ABCC2: variants seen among roughly 807,000 people sequenced by gnomAD.
ABCC2 encodes ATP-binding cassette sub-family C member 2.
A neutral mutation model predicts 173.4 loss-of-function variants in ABCC2; 157 were observed. The ratio of observed to expected loss-of-function variants is 0.91; its 90% CI spans 0.80 to 1.03. The LOEUF (loss-of-function observed/expected upper bound fraction) is 1.03. Ranked by LOEUF, ABCC2 falls within the 50% of genes least tolerant of loss-of-function variation. The pLI, the probability that ABCC2 is intolerant of heterozygous loss-of-function variation, is 0.00. For synonymous variants in ABCC2, 657 were observed against 693.5 expected, an observed-to-expected ratio of 0.95 and a Z score of 0.83; for missense variants, 1,822 against 1,852.3, an observed-to-expected ratio of 0.98 and a Z score of 0.30.
intron 12 of ABCC2, 65 bp downstream of exon 12, chr10:99,807,586 A>C: frequency 2.5e-6 from 4 of 1,608,812 alleles, no homozygotes; most frequent in Non-Finnish European, 2.6e-6. Context: ...CCTGAAGAGG[A>C]AGTTCACTTT....
At chr10:99,795,801 A>AAGAAAGAAAGAAAGAAAGAAAGAG (rs58906337) in intron 6 of ABCC2, among the ~76,000 whole-genome samples, 42 of 102,368 alleles carry the variant, frequency 4.1e-4, no homozygotes, top group African/African-American at 1.5e-3. Flanking sequence ...GAAAGAAAGA[A>AAGAAAGAAAGAAAGAAAGAAAGAG]AGATTTCTAA....
chr10:99,804,765 T>C (rs980009915), intron 10 of ABCC2, among the ~76,000 whole-genome samples: 33 of 152,326 alleles, frequency 2.2e-4, no homozygotes, highest in African/African-American at 7.7e-4. Context: ...ACAGTGTATA[T>C]GATTTATTCA....
intron 19 of ABCC2, among the ~76,000 whole-genome samples, chr10:99,824,932 G>T: frequency 1.1e-5 from 1 of 89,150 alleles, no homozygotes; most frequent in African/African-American, 4.7e-5. Flanking sequence ...TGTTTTGGTA[G>T]CGGCCACTGA....
In ABCC2 at chr10:99,799,468, T is replaced by C. The variant is rs1274317712; in HGVS notation, c.1031+98T>C. ...AGCAGGAGCTTTTCTTAAATTCCCA[T>C]TTTTTAAAAATGCTCGTAATTTTCT... On this transcript the variant is annotated intron_variant, in intron 8 of 31. Transcript: ENST00000647814. 1.2e-5 allele frequency: 17 copies of C among 1,413,358 alleles called. No individual in the cohort carries two copies. In the East Asian group the frequency reaches 3.4e-4, roughly 28 times the overall value. 87.6% of individuals were successfully genotyped at this position (1,413,358 alleles called of 1,614,324 possible). A position where few individuals can be genotyped will look rare whatever the true frequency, so the allele number is the denominator to read the frequency against.
Position 99,841,976 on chromosome 10 carries a change from A to T in ABCC2, c.3624A>T (p.Ala1208=), listed in dbSNP as rs1287568058. 1 of 1,614,164 alleles carries T rather than the reference A, an allele frequency of 6.2e-7. No individual in the cohort carries two copies. The highest frequency in any genetic ancestry group is 2.2e-5 in the East Asian group (1 of 44,884). The change falls in exon 26 of 32, where the codon GCA becomes GCT. Residue 1208 remains alanine, a synonymous_variant. Transcript: ENST00000647814. The stretch of plus-strand genomic sequence containing the variant: ...TTCTGTTGCCCCACAGGTGGCTTGC[A>T]ATTCGCCTGGAGCTGGTTGGGAACC... ...FSWITSNRWL[A]IRLELVGNLT...
Position 99,813,136 on chromosome 10 carries a change from A to G in ABCC2, c.2086A>G (p.Thr696Ala), listed in dbSNP as rs751742010. 2 of 1,613,730 alleles carry G rather than the reference A, an allele frequency of 1.2e-6. No individual in the cohort carries two copies. Among genetic ancestry groups the G allele is most frequent in the Non-Finnish European group, 1.7e-6 (2 of 1,179,796 alleles). Residue 696 changes from threonine to alanine, a missense_variant, in exon 16 of 32, where the codon ACC (threonine) becomes GCC (alanine). Coordinates refer to ENST00000647814, the MANE Select transcript of ABCC2 (RefSeq NM_000392.5). ...AATGGAAAATGTCCACGGGCACATC[A>G]CCATCAAGGTGAGAGGGAATGCCAA... ...GEMENVHGHI[T>A]IKGTTAYVPQ...
intron 25 of ABCC2, among the ~76,000 whole-genome samples, chr10:99,837,288 A>G (rs2038841333): frequency 8.2e-6 from 1 of 121,370 alleles, no homozygotes; most frequent in Non-Finnish European, 1.7e-5. Context: ...GGCATGCACC[A>G]CCACGCCCAG....
chr10:99,844,984 T>G (rs1233539740), intron 28 of ABCC2, among the ~76,000 whole-genome samples: 1 of 152,186 alleles, frequency 6.6e-6, no homozygotes, highest in Non-Finnish European at 1.5e-5. Flanking sequence ...AATCTTTCCC[T>G]TCTTCACTTC....
chr10:99,811,637 G>A (rs1484135976), intron 15 of ABCC2, 35 bp downstream of exon 15: 12 of 1,609,558 alleles, frequency 7.5e-6, no homozygotes, highest in Non-Finnish European at 1.0e-5. Flanking sequence ...ATGTTCTTTA[G>A]CATTCTCACT....
At position 99,796,899 on chromosome 10, in the gene ABCC2, A is replaced by C. The variant is rs149905203; in HGVS notation, c.633-198A>C. On this transcript the variant is annotated intron_variant, in intron 6 of 31. Transcript: ENST00000647814. ...CTGTCTTCCCCTTCTCTTGTCTTCT[A>C]ACACATTCTTTTGCCCCCACCCATT... Among the ~76,000 whole-genome samples the C allele has an allele frequency of 8.3e-3, 1,269 of 152,230 alleles. 19 individuals carry two copies. Among genetic ancestry groups the C allele is most frequent in the African/African-American group, 0.028 (1,178 of 41,536 alleles).
intron 19 of ABCC2, among the ~76,000 whole-genome samples, chr10:99,828,214 A>G (rs1451956598): frequency 1.3e-5 from 2 of 151,906 alleles, no homozygotes; most frequent in Non-Finnish European, 2.9e-5. Flanking sequence ...TACAAAGAAC[A>G]GTTTGCAAAA....
In ABCC2 at chr10:99,794,484, G is replaced by A. The variant is rs1241969320; in HGVS notation, c.632+16G>A. 1 of 1,605,608 alleles carries A rather than the reference G, an allele frequency of 6.2e-7. No homozygotes were observed. The highest frequency in any genetic ancestry group is 2.2e-5 in the East Asian group (1 of 44,838). ...GGTATGACAGGTAGGAAAGCCTGGA[G>A]TATGGATTGGCTGTATCCTTACTCT... On this transcript the variant is annotated intron_variant, in intron 6 of 31. Coordinates refer to ENST00000647814, the MANE Select transcript of ABCC2 (RefSeq NM_000392.5).
intron 9 of ABCC2, among the ~76,000 whole-genome samples, chr10:99,803,691 G>A (rs1372787763): frequency 1.3e-5 from 2 of 152,050 alleles, no homozygotes; most frequent in African/African-American, 2.4e-5. Flanking sequence ...TACACAGGAC[G>A]AATATCTAAC....
intron 25 of ABCC2, among the ~76,000 whole-genome samples, chr10:99,837,475 TTTA>T (rs1409540788): frequency 1.8e-4 from 2 of 11,428 alleles, no homozygotes; most frequent in East Asian, 2.5e-3. Context: ...TTTTTTTTTT[TTTA>T]AATTTATTTT....
intron 25 of ABCC2, among the ~76,000 whole-genome samples, chr10:99,839,078 G>C: frequency 7.0e-6 from 1 of 142,548 alleles, no homozygotes; most frequent in Non-Finnish European, 1.5e-5. Flanking sequence ...GGCTGGCCGG[G>C]CAGGGGGGCA....
At chr10:99,799,409 C>G in intron 8 of ABCC2, 39 bp downstream of exon 8, 1 of 1,609,750 alleles carries the variant, frequency 6.2e-7, no homozygotes, top group Non-Finnish European at 8.5e-7. Flanking sequence ...TCAGGGCCTC[C>G]TCTGCCACCC....
intron 23 of ABCC2, among the ~76,000 whole-genome samples, chr10:99,833,729 C>G (rs775933637): frequency 1.1e-4 from 16 of 152,172 alleles, no homozygotes; most frequent in Non-Finnish European, 2.2e-4. Flanking sequence ...ATCCCTGATA[C>G]AGTTTGAGAA....
chr10:99,783,876 G>A (rs923782024), intron 1 of ABCC2, among the ~76,000 whole-genome samples: 2 of 151,720 alleles, frequency 1.3e-5, no homozygotes, highest in African/African-American at 2.4e-5. Context: ...TCAGGGCATC[G>A]CAAGCAATTC....
chr10:99,799,603 G>C (rs1428787261), intron 8 of ABCC2, among the ~76,000 whole-genome samples: 13 of 152,162 alleles, frequency 8.5e-5, no homozygotes. Flanking sequence ...TCCTCATAGG[G>C]GGCCGGGTAA....
Sources: gnomAD v4.1 joint callset for allele counts (sites outside exome capture counted in the v4.1 genomes callset) on GRCh38, gnomAD v4.1.1 for gene constraint, MANE v1.5 for transcripts, NCBI Gene and HGNC (gene_info 2026-07-23, HGNC 2026-07-21) for gene names.